The following LPAR1 variants were observed in gnomAD, a reference collection of about 807,000 sequenced individuals.
The protein encoded by LPAR1 is LPA receptor 1.
In LPAR1, 5 loss-of-function variants were observed where a neutral mutation model predicts 23.8. The ratio of observed to expected loss-of-function variants is 0.21; its 90% CI spans 0.11 to 0.44. The LOEUF is 0.44. Among genes scored for constraint, LPAR1 ranks in the 20% least tolerant of loss-of-function variants. The pLI is 0.99. For synonymous variants in LPAR1, 160 were observed against 164.7 expected (o/e 0.97, Z 0.22); for missense variants, 311 against 482.8 (o/e 0.64, Z 3.33).
intron 2 of LPAR1, among the ~76,000 whole-genome samples, chr9:110,994,455 A>T (rs994070203): frequency 7.2e-5 from 11 of 152,328 alleles, no homozygotes; most frequent in African/African-American, 2.6e-4. Context: ...TAATAGGGTG[A>T]ATTTACTGAT....
intron 4 of LPAR1, among the ~76,000 whole-genome samples, chr9:110,970,617 G>T (rs551280258): frequency 4.6e-5 from 7 of 152,160 alleles, no homozygotes; most frequent in Non-Finnish European, 7.4e-5. Context: ...AAATGGTGTT[G>T]AGGAGAAAAC....
intron 2 of LPAR1, among the ~76,000 whole-genome samples, chr9:110,994,930 C>T (rs1323833716): frequency 6.6e-6 from 1 of 152,144 alleles, no homozygotes; most frequent in Non-Finnish European, 1.5e-5. Context: ...GTCTAGACCA[C>T]AGTCAACAGC....
intron 2 of LPAR1, among the ~76,000 whole-genome samples, chr9:111,029,644 G>T (rs189590713): frequency 1.6e-4 from 24 of 152,104 alleles, no homozygotes; most frequent in Admixed American, 1.4e-3. Context: ...TTTGAAACTT[G>T]GTTTACCGTA....
chr9:110,898,980 A>G (rs1288083064), intron 5 of LPAR1, among the ~76,000 whole-genome samples: 2 of 152,256 alleles, frequency 1.3e-5, no homozygotes, highest in African/African-American at 4.8e-5. Context: ...GATAAATACC[A>G]AAAACCTGAT....
chr9:110,892,820 G>GGAA (rs2084845446), intron 5 of LPAR1, among the ~76,000 whole-genome samples: 3 of 106,672 alleles, frequency 2.8e-5, no homozygotes, highest in Admixed American at 1.9e-4. Flanking sequence ...AAGGAAGGAA[G>GGAA]GAAGGAAGGC....
chr9:110,956,493 A>C (rs1449202911), intron 4 of LPAR1, among the ~76,000 whole-genome samples: 2 of 133,848 alleles, frequency 1.5e-5, no homozygotes, highest in East Asian at 6.0e-4. Context: ...TTAAAAGACA[A>C]TACAAAGGAT....
chr9:110,985,012 T>C (rs978095458), intron 2 of LPAR1, among the ~76,000 whole-genome samples: 20 of 152,042 alleles, frequency 1.3e-4, no homozygotes, highest in Non-Finnish European at 2.2e-4. Context: ...GACAGAGACA[T>C]GGCCATGCTA....
chr9:110,914,367 C>T (rs2092812583), intron 5 of LPAR1, among the ~76,000 whole-genome samples: 1 of 152,160 alleles, frequency 6.6e-6, no homozygotes, highest in Admixed American at 6.5e-5. Flanking sequence ...TACATGGCGG[C>T]AAGCAAGAGG....
At chr9:110,974,777 C>T (rs1012200972) in intron 2 of LPAR1, among the ~76,000 whole-genome samples, 1 of 152,076 alleles carries the variant, frequency 6.6e-6, no homozygotes, top group Non-Finnish European at 1.5e-5. Flanking sequence ...ATAAACAACC[C>T]AGGAGAAAAG....
chr9:111,024,093 C>A (rs1053083164), intron 2 of LPAR1, among the ~76,000 whole-genome samples: 1 of 152,088 alleles, frequency 6.6e-6, no homozygotes, highest in Non-Finnish European at 1.5e-5. Context: ...GGGTAAGAAG[C>A]ATGTTCTTGG....
intron 2 of LPAR1, among the ~76,000 whole-genome samples, chr9:111,023,939 C>A (rs2097623757): frequency 6.6e-6 from 1 of 152,004 alleles, no homozygotes. Context: ...ACTAAATGTC[C>A]CAATAAAACT....
intron 2 of LPAR1, among the ~76,000 whole-genome samples, chr9:110,998,482 A>T (rs2097063711): frequency 6.6e-6 from 1 of 152,218 alleles, no homozygotes. Context: ...GACCAGTGCA[A>T]AAAAGAACTG....
chr9:110,962,919 CA>C (rs1275079239), intron 4 of LPAR1, among the ~76,000 whole-genome samples: 1 of 152,124 alleles, frequency 6.6e-6, no homozygotes, highest in Non-Finnish European at 1.5e-5. Context: ...ATGATTTTCT[CA>C]GGTGGAAAAA....
At chr9:111,010,714 A>G (rs550194888) in intron 2 of LPAR1, among the ~76,000 whole-genome samples, 1 of 152,150 alleles carries the variant, frequency 6.6e-6, no homozygotes, top group African/African-American at 2.4e-5. Flanking sequence ...TTTATTTAGG[A>G]ATAAAAATTC....
intron 5 of LPAR1, among the ~76,000 whole-genome samples, chr9:110,913,229 T>C (rs1366623844): frequency 6.6e-6 from 1 of 152,196 alleles, no homozygotes; most frequent in Non-Finnish European, 1.5e-5. Flanking sequence ...ACCTCTTGTT[T>C]ACATAACTGA....
chr9:110,922,046 C>T (rs757136523), intron 5 of LPAR1, among the ~76,000 whole-genome samples: 3 of 152,016 alleles, frequency 2.0e-5, no homozygotes, highest in East Asian at 1.9e-4. Context: ...ACCTGAGCAG[C>T]GGAGAAAGTA....
intron 5 of LPAR1, among the ~76,000 whole-genome samples, chr9:110,878,724 C>T (rs1156981157): frequency 6.6e-6 from 1 of 152,154 alleles, no homozygotes; most frequent in African/African-American, 2.4e-5. Context: ...ATAAACTGTG[C>T]ATCTACCTGA....
intron 5 of LPAR1, among the ~76,000 whole-genome samples, chr9:110,927,228 T>G (rs948407440): frequency 4.3e-5 from 4 of 92,656 alleles, no homozygotes; most frequent in African/African-American, 1.7e-4. Context: ...TTACTTAGCA[T>G]TCCACACTTT....
chr9:110,960,582 G>A (rs886745172), intron 4 of LPAR1, among the ~76,000 whole-genome samples: 52 of 151,950 alleles, frequency 3.4e-4, no homozygotes, highest in Non-Finnish European at 7.2e-4. Flanking sequence ...TACAAAGCTG[G>A]GTAATGGCTA....
Sources: allele counts gnomAD v4.1 joint callset (sites outside exome capture counted in the v4.1 genomes callset), GRCh38; gene constraint gnomAD v4.1.1; transcripts MANE v1.5; gene names NCBI Gene and HGNC (gene_info 2026-07-23, HGNC 2026-07-21).